Variants in TMPRSS11F observed in about 807,000 individuals in gnomAD.
The protein encoded by TMPRSS11F is transmembrane protease serine 11F.
TMPRSS11F carries 47 observed loss-of-function variants against 60.2 expected under a neutral mutation model. That is an observed-to-expected ratio of 0.78 (90% CI 0.62 to 1.00). The LOEUF (loss-of-function observed/expected upper bound fraction) is 1.00, where lower values mean the gene tolerates loss of function less well. Ranked by LOEUF, TMPRSS11F falls within the 50% of genes least tolerant of loss-of-function variation. The probability of loss-of-function intolerance (pLI) is 0.00; values close to 1 mark genes in which losing one functional copy is unlikely to be tolerated. For synonymous variants in TMPRSS11F, 166 were observed against 167.3 expected, an observed-to-expected ratio of 0.99 and a Z score of 0.06; for missense variants, 519 against 522.9, an observed-to-expected ratio of 0.99 and a Z score of 0.07.
intron 1 of TMPRSS11F, among the ~76,000 whole-genome samples, chr4:68,116,329 A>C (rs1724518083): frequency 6.6e-6 from 1 of 152,202 alleles, no homozygotes; most frequent in Admixed American, 6.5e-5. Flanking sequence ...GTTTGAAATG[A>C]AGTTAAACAT....
At chr4:68,106,282 G>T in intron 1 of TMPRSS11F, among the ~76,000 whole-genome samples, 1 of 152,132 alleles carries the variant, frequency 6.6e-6, no homozygotes, top group East Asian at 1.9e-4. Flanking sequence ...TCTATGGTAG[G>T]TCTATTGGCA....
chr4:68,086,746 C>T (rs940867698), intron 3 of TMPRSS11F, among the ~76,000 whole-genome samples: 1 of 151,064 alleles, frequency 6.6e-6, no homozygotes, highest in African/African-American at 2.4e-5. Flanking sequence ...TATGAACACC[C>T]CTATGCATGT....
intron 5 of TMPRSS11F, among the ~76,000 whole-genome samples, chr4:68,071,647 G>A (rs575033758): frequency 6.6e-6 from 1 of 152,108 alleles, no homozygotes; most frequent in Non-Finnish European, 1.5e-5. Context: ...AAATCAGCTC[G>A]GGTTCCAACT....
At chr4:68,118,516 T>C (rs1471147991) in intron 1 of TMPRSS11F, among the ~76,000 whole-genome samples, 2 of 152,196 alleles carry the variant, frequency 1.3e-5, no homozygotes, top group African/African-American at 4.8e-5. Context: ...CCATTACATA[T>C]GCTTGATATA....
Position 68,096,733 on chromosome 4 carries a change from T to C in TMPRSS11F, c.163+2154A>G, listed in dbSNP as rs562309873. 6.4e-4 allele frequency among the ~76,000 whole-genome samples: 97 copies of C among 152,304 alleles called. No individual in the cohort carries two copies. The South Asian group carries it at 0.013, about 20-fold the overall frequency. ...TTCATAATTACTGAAATCTTTAGAA[T>C]AAAAATAACTCCATCAAATACACTT... On this transcript the variant is annotated intron_variant, in intron 2 of 9. Coordinates refer to ENST00000356291, the MANE Select transcript of TMPRSS11F (RefSeq NM_207407.2).
At chr4:68,106,604 G>T (rs917725121) in intron 1 of TMPRSS11F, among the ~76,000 whole-genome samples, 1 of 152,106 alleles carries the variant, frequency 6.6e-6, no homozygotes, top group Non-Finnish European at 1.5e-5. Context: ...ACTGCGGGGG[G>T]AGGGGTTACA....
intron 2 of TMPRSS11F, among the ~76,000 whole-genome samples, chr4:68,094,930 A>G (rs1006791572): frequency 2.0e-5 from 3 of 152,064 alleles, no homozygotes. Flanking sequence ...TGGGTCATGA[A>G]AATGCTTGTT....
At chr4:68,112,454 C>T (rs1224728693) in intron 1 of TMPRSS11F, among the ~76,000 whole-genome samples, 1 of 152,062 alleles carries the variant, frequency 6.6e-6, no homozygotes, top group East Asian at 1.9e-4. Flanking sequence ...ATTTGTTGTG[C>T]TCTCTCTGCT....
chr4:68,060,802 T>C (rs1723155595), intron 8 of TMPRSS11F, among the ~76,000 whole-genome samples: 1 of 151,874 alleles, frequency 6.6e-6, no homozygotes, highest in South Asian at 2.1e-4. Context: ...TTTTTTTAAA[T>C]GAAAAAATAC....
At chr4:68,094,739 T>C (rs1231562873) in intron 2 of TMPRSS11F, among the ~76,000 whole-genome samples, 4 of 152,136 alleles carry the variant, frequency 2.6e-5, no homozygotes, top group Admixed American at 2.0e-4. Flanking sequence ...TTTTACTCTT[T>C]AGGTTTTCAA....
chr4:68,102,518 A>C (rs1315551625), intron 1 of TMPRSS11F, among the ~76,000 whole-genome samples: 4 of 152,096 alleles, frequency 2.6e-5, no homozygotes, highest in African/African-American at 7.2e-5. Context: ...CATCCTAAGG[A>C]GTGTGAGGTG....
At chr4:68,107,081 G>A (rs1199480230) in intron 1 of TMPRSS11F, among the ~76,000 whole-genome samples, 1 of 152,130 alleles carries the variant, frequency 6.6e-6, no homozygotes, top group Non-Finnish European at 1.5e-5. Flanking sequence ...CAGCATTTCT[G>A]CAGTTTTCTT....
At chr4:68,055,093 C>T (rs1483676138) in intron 9 of TMPRSS11F, among the ~76,000 whole-genome samples, 2 of 151,886 alleles carry the variant, frequency 1.3e-5, no homozygotes, top group Non-Finnish European at 2.9e-5. Context: ...CTCTGTGGCG[C>T]GAAGGAGCCT....
intron 1 of TMPRSS11F, among the ~76,000 whole-genome samples, chr4:68,105,815 G>A (rs569747070): frequency 2.0e-5 from 3 of 152,172 alleles, no homozygotes; most frequent in East Asian, 3.9e-4. Context: ...TGAACAAAAT[G>A]ACGTCTAGAA....
intron 3 of TMPRSS11F, among the ~76,000 whole-genome samples, chr4:68,089,125 G>T (rs918070488): frequency 6.6e-6 from 1 of 152,022 alleles, no homozygotes; most frequent in African/African-American, 2.4e-5. Context: ...AAGAAAAATG[G>T]CAGAGGCATC....
chr4:68,110,749 T>C (rs1445169694), intron 1 of TMPRSS11F, among the ~76,000 whole-genome samples: 1 of 152,176 alleles, frequency 6.6e-6, no homozygotes, highest in African/African-American at 2.4e-5. Flanking sequence ...AAATGCTATC[T>C]GCTTACTGAT....
At chr4:68,060,717 T>C (rs1530063) in intron 8 of TMPRSS11F, among the ~76,000 whole-genome samples, 102,060 of 150,866 alleles carry the variant, frequency 0.68, 36,395 homozygotes, top group East Asian at 0.88. Flanking sequence ...TAAAACACAT[T>C]CTCAAACCTC....
chr4:68,090,490 T>C (rs1188321625), intron 3 of TMPRSS11F, 33 bp downstream of exon 3: 1 of 1,556,610 alleles, frequency 6.4e-7, no homozygotes, highest in South Asian at 1.2e-5. Flanking sequence ...AAAAGACACA[T>C]TAATAAACAT....
At chr4:68,095,984 C>G (rs1166053483) in intron 2 of TMPRSS11F, among the ~76,000 whole-genome samples, 5 of 149,044 alleles carry the variant, frequency 3.4e-5, no homozygotes, top group African/African-American at 1.2e-4. Context: ...GATGTGTGTA[C>G]AAGATCTGTG....
Sources: allele counts gnomAD v4.1 joint callset (sites outside exome capture counted in the v4.1 genomes callset), GRCh38; gene constraint gnomAD v4.1.1; transcripts MANE v1.5; gene names NCBI Gene and HGNC (gene_info 2026-07-23, HGNC 2026-07-21).